Variants in PTN observed in about 807,000 individuals in gnomAD.
PTN encodes the protein pleiotrophin, also known as heparin affin regulatory protein.
Under a neutral mutation model 24.1 loss-of-function variants are expected in PTN, and 18 were observed. The ratio of observed to expected loss-of-function variants is 0.75; its 90% confidence interval spans 0.52 to 1.11. PTN has a LOEUF of 1.11. Among genes scored for constraint, PTN ranks in the 50% least tolerant of loss-of-function variants. PTN has a pLI of 0.00. For synonymous variants in PTN, 78 were observed against 68.6 expected, an observed-to-expected ratio of 1.14 and a Z score of -0.67; for missense variants, 163 against 198.8, an observed-to-expected ratio of 0.82 and a Z score of 1.08.
chr7:137,265,066 C>T (rs764343682), intron 1 of PTN, among the ~76,000 whole-genome samples: 1 of 150,602 alleles, frequency 6.6e-6, no homozygotes, highest in African/African-American at 2.4e-5. Context: ...TTTCTTTTAA[C>T]TCATGAAAAG....
At chr7:137,283,952 ATTTTTTTTTTTTTTT>A (rs753374720) in intron 1 of PTN, among the ~76,000 whole-genome samples, 609 of 48,922 alleles carry the variant, frequency 0.012, 7 homozygotes, top group Middle Eastern at 0.043. Flanking sequence ...TGAGCATCAG[ATTTTTTTTTTTTTTT>A]TTTTTTTTTT....
intron 1 of PTN, among the ~76,000 whole-genome samples, chr7:137,295,206 A>T (rs749778976): frequency 1.2e-4 from 18 of 152,206 alleles, no homozygotes; most frequent in Non-Finnish European, 2.4e-4. Context: ...TCAATCAGTC[A>T]TTACACATAG....
intron 1 of PTN, among the ~76,000 whole-genome samples, chr7:137,315,380 C>T (rs1408361268): frequency 6.6e-6 from 1 of 151,934 alleles, no homozygotes. Context: ...AGCTCAAGTC[C>T]AAATTCTTAT....
intron 1 of PTN, among the ~76,000 whole-genome samples, chr7:137,306,625 A>G (rs1334004402): frequency 1.3e-5 from 2 of 152,092 alleles, no homozygotes; most frequent in African/African-American, 4.8e-5. Flanking sequence ...GTAGAAACAG[A>G]AAAATCTGAA....
At chr7:137,233,206 A>T (rs535742344) in intron 4 of PTN, among the ~76,000 whole-genome samples, 1 of 152,042 alleles carries the variant, frequency 6.6e-6, no homozygotes, top group African/African-American at 2.4e-5. Context: ...ACAATGAAAA[A>T]ATCATGAAGT....
At chr7:137,250,804 G>A (rs1200827336) in intron 4 of PTN, among the ~76,000 whole-genome samples, 4 of 152,178 alleles carry the variant, frequency 2.6e-5, no homozygotes, top group Non-Finnish European at 4.4e-5. Context: ...AAGGGAAAAT[G>A]TAAAATAATT....
chr7:137,295,061 C>A (rs1585033285), intron 1 of PTN, among the ~76,000 whole-genome samples: 1 of 152,080 alleles, frequency 6.6e-6, no homozygotes, highest in Non-Finnish European at 1.5e-5. Context: ...AGTCACTAGC[C>A]ACTTGTGGCT....
chr7:137,301,855 T>A (rs528491932), intron 1 of PTN, among the ~76,000 whole-genome samples: 28 of 152,128 alleles, frequency 1.8e-4, no homozygotes, highest in South Asian at 4.1e-4. Flanking sequence ...AAGACTAAGA[T>A]CTAGCTAGGT....
chr7:137,270,176 G>T (rs1001047821), intron 1 of PTN, among the ~76,000 whole-genome samples: 2 of 152,178 alleles, frequency 1.3e-5, no homozygotes, highest in Admixed American at 1.3e-4. Flanking sequence ...ATAATTCACT[G>T]TCCTCTCATA....
chr7:137,274,730 G>A (rs968336391), intron 1 of PTN, among the ~76,000 whole-genome samples: 2 of 152,138 alleles, frequency 1.3e-5, no homozygotes, highest in Admixed American at 6.5e-5. Flanking sequence ...AAATTTTATA[G>A]TTAACTATTC....
chr7:137,290,554 C>A (rs1437288133), intron 1 of PTN, among the ~76,000 whole-genome samples: 1 of 152,032 alleles, frequency 6.6e-6, no homozygotes, highest in African/African-American at 2.4e-5. Flanking sequence ...GTAAGTAATG[C>A]TTTAGAGTGT....
intron 1 of PTN, among the ~76,000 whole-genome samples, chr7:137,330,139 T>C (rs1166678664): frequency 6.6e-6 from 1 of 151,886 alleles, no homozygotes; most frequent in Non-Finnish European, 1.5e-5. Flanking sequence ...ATACAAAAAT[T>C]AGCTAGGTGT....
At chr7:137,237,295 GC>G (rs11365138) in intron 4 of PTN, among the ~76,000 whole-genome samples, 31,022 of 152,036 alleles carry the variant, frequency 0.2, 3,304 homozygotes, top group South Asian at 0.3. Flanking sequence ...AGGAAGAGGG[GC>G]CTCATAGGGC....
chr7:137,229,314 G>C (rs1397854609), intron 4 of PTN, among the ~76,000 whole-genome samples: 3 of 151,736 alleles, frequency 2.0e-5, no homozygotes, highest in Admixed American at 6.6e-5. Flanking sequence ...AAGCAACATA[G>C]GGTCACTGGG....
intron 1 of PTN, among the ~76,000 whole-genome samples, chr7:137,272,267 C>T (rs1363409723): frequency 6.6e-6 from 1 of 152,224 alleles, no homozygotes; most frequent in East Asian, 1.9e-4. Flanking sequence ...TTTTCCACTC[C>T]TGCACCCGAT....
intron 4 of PTN, among the ~76,000 whole-genome samples, chr7:137,243,745 G>T (rs1438990146): frequency 6.6e-6 from 1 of 152,180 alleles, no homozygotes; most frequent in Admixed American, 6.5e-5. Flanking sequence ...AGTCCCTCAA[G>T]AAAGGGGGCA....
At chr7:137,316,088 C>G (rs1810067460) in intron 1 of PTN, among the ~76,000 whole-genome samples, 3 of 152,186 alleles carry the variant, frequency 2.0e-5, no homozygotes. Flanking sequence ...GGCACCTCGT[C>G]AGAATCCTCA....
intron 1 of PTN, among the ~76,000 whole-genome samples, chr7:137,317,337 T>A (rs1810089282): frequency 6.6e-6 from 1 of 152,314 alleles, no homozygotes; most frequent in East Asian, 1.9e-4. Flanking sequence ...TTAGTGAAAG[T>A]TAAATTTGAA....
chr7:137,236,156 T>C, intron 4 of PTN: 1 of 702,106 alleles, frequency 1.4e-6, no homozygotes, highest in Non-Finnish European at 2.6e-6. Context: ...GTTGCATCAG[T>C]AGACGAATCC....
Sources: gnomAD v4.1 joint callset for allele counts (sites outside exome capture counted in the v4.1 genomes callset) on GRCh38, gnomAD v4.1.1 for gene constraint, MANE v1.5 for transcripts, NCBI Gene and HGNC (gene_info 2026-07-23, HGNC 2026-07-21) for gene names.